The following IQSEC1 variants were observed in gnomAD, a reference collection of about 807,000 sequenced individuals.
The protein encoded by IQSEC1 is IQ motif and Sec7 domain ArfGEF 1.
Under a neutral mutation model 91.0 loss-of-function variants are expected in IQSEC1, and 31 were observed. The observed-to-expected ratio is 0.34, with a 90% CI of 0.26 to 0.46. The LOEUF is 0.46. Among genes scored for constraint, IQSEC1 ranks in the 20% least tolerant of loss-of-function variants. The pLI is 1.00. For missense variants in IQSEC1, 1,388 were observed against 1,575.6 expected, an observed-to-expected ratio of 0.88 and a Z score of 2.02; for synonymous variants, 699 against 662.6, an observed-to-expected ratio of 1.05 and a Z score of -0.84.
intron 1 of IQSEC1, among the ~76,000 whole-genome samples, chr3:12,975,381 G>C (rs1701117936): frequency 6.6e-6 from 1 of 152,178 alleles, no homozygotes; most frequent in South Asian, 2.1e-4. Context: ...CCAACTCTCT[G>C]CCTCTTCTTG....
At chr3:12,928,975 GCA>G (rs1177418932) in intron 3 of IQSEC1, among the ~76,000 whole-genome samples, 2 of 152,176 alleles carry the variant, frequency 1.3e-5, no homozygotes, top group South Asian at 2.1e-4. Context: ...TGCTATGCTA[GCA>G]CAGTTATGGT....
chr3:13,007,712 C>A (rs561621320), intron 1 of IQSEC1, among the ~76,000 whole-genome samples: 258 of 152,338 alleles, frequency 1.7e-3, no homozygotes, highest in Non-Finnish European at 2.7e-3. Flanking sequence ...TGCTTGAAAG[C>A]CTCCGCAGGC....
intron 1 of IQSEC1, among the ~76,000 whole-genome samples, chr3:13,265,160 C>T (rs1163610275): frequency 2.6e-5 from 4 of 152,198 alleles, no homozygotes; most frequent in Non-Finnish European, 4.4e-5. Flanking sequence ...CTCCTCGGCC[C>T]GTGCAGGGCA....
At chr3:13,126,688 T>C (rs1706517891) in intron 2 of IQSEC1, among the ~76,000 whole-genome samples, 1 of 152,270 alleles carries the variant, frequency 6.6e-6, no homozygotes, top group Non-Finnish European at 1.5e-5. Context: ...AAGAACTTTA[T>C]GGTCAGCCAT....
At chr3:12,923,546 G>A (rs1403614325) in intron 4 of IQSEC1, among the ~76,000 whole-genome samples, 1 of 152,224 alleles carries the variant, frequency 6.6e-6, no homozygotes, top group Admixed American at 6.5e-5. Context: ...AGCCTCCTGG[G>A]TGTGGGACGG....
rs75719563 is a variant in IQSEC1 at position 13,174,247 on chromosome 3, G to A, written c.273-10114C>T. On this transcript the variant is annotated intron_variant, in intron 1 of 15. Transcript: ENST00000648114. ...ATAATACTGGGAGCGCAGCCACTGC[G>A]GTGCAGGTGCCCATGCCTGATGACC... is the stretch of plus-strand genomic sequence containing the variant. 1.8e-3 allele frequency among the ~76,000 whole-genome samples: 273 copies of A among 152,250 alleles called. 1 individual carries two copies. Among genetic ancestry groups the A allele is most frequent in the African/African-American group, 4.8e-3 (198 of 41,542 alleles).
At position 13,195,231 on chromosome 3, in the gene IQSEC1, T is replaced by C. The variant is rs529509468; in HGVS notation, c.273-31098A>G. On this transcript the variant is annotated intron_variant, in intron 1 of 15. Coordinates refer to the IQSEC1 transcript ENST00000648114. ...GATACACAGATGGCAAATAAGCAGATGAAACGGTTCAATGATGTTAGCCTT... is the reference window on the plus strand; with the variant it reads ...GATACACAGATGGCAAATAAGCAGACGAAACGGTTCAATGATGTTAGCCTT... Among the ~76,000 whole-genome samples, 134 of 152,230 alleles carry C rather than the reference T, an allele frequency of 8.8e-4. 2 individuals are homozygous for C. Among genetic ancestry groups the C allele is most frequent in the African/African-American group, 3.0e-3 (124 of 41,518 alleles).
chr3:13,030,482 A>C (rs1703803543), intron 1 of IQSEC1, among the ~76,000 whole-genome samples: 1 of 152,182 alleles, frequency 6.6e-6, no homozygotes, highest in Non-Finnish European at 1.5e-5. Context: ...AACTGGCTTA[A>C]AAAATTGGAC....
intron 1 of IQSEC1, among the ~76,000 whole-genome samples, chr3:13,007,816 C>T (rs1035334104): frequency 1.4e-4 from 22 of 152,160 alleles, no homozygotes; most frequent in African/African-American, 4.1e-4. Context: ...TGGGGCTGAG[C>T]CCAGCCATCC....
Position 12,922,560 on chromosome 3 carries a change from C to T in IQSEC1, c.1731-318G>A, listed in dbSNP as rs569942998. Among the ~76,000 whole-genome samples the T allele has an allele frequency of 3.9e-5, 6 of 152,168 alleles. No homozygotes were observed. Among genetic ancestry groups the T allele is most frequent in the Non-Finnish European group, 5.9e-5 (4 of 68,036 alleles). On this transcript the variant is annotated intron_variant, in intron 4 of 13. Coordinates refer to ENST00000613206, the MANE Select transcript of IQSEC1 (RefSeq NM_001134382.3). The surrounding 1 kb of genome is among the most constrained non-coding windows in gnomAD (Gnocchi z 5.1). ...CCCAAGAGACAAGCATTTTTAAGCA[C>T]AGCCCTCACCAGGCACACAGTGGAC...
intron 1 of IQSEC1, among the ~76,000 whole-genome samples, chr3:13,224,467 C>T (rs1223134276): frequency 6.6e-6 from 1 of 152,070 alleles, no homozygotes; most frequent in African/African-American, 2.4e-5. Context: ...GGAGAAGGGG[C>T]GCTGGGCAGA....
chr3:13,231,196 A>C (rs191834997), intron 1 of IQSEC1, among the ~76,000 whole-genome samples: 2 of 152,340 alleles, frequency 1.3e-5, no homozygotes, highest in East Asian at 3.9e-4. Flanking sequence ...ATTTTGATGC[A>C]AAAAATTTGG....
At chr3:12,973,713 A>G (rs73813751) in intron 1 of IQSEC1, among the ~76,000 whole-genome samples, 1 of 152,328 alleles carries the variant, frequency 6.6e-6, no homozygotes, top group African/African-American at 2.4e-5. Context: ...CCACAAATAT[A>G]TACACCTACT....
chr3:12,899,577 C>T lies in IQSEC1; in HGVS notation c.*1406G>A. On this transcript the variant is annotated 3_prime_UTR_variant, in exon 14 of 14. Transcript: ENST00000613206. ...GTGATGCCCTGGCAGCTCACTGGAC[C>T]ATGGGAAGGCAGCGGGGGCTCCGCC... 3.4e-6 allele frequency: 5 copies of T among 1,472,428 alleles called. No homozygotes were observed. Among genetic ancestry groups the T allele is most frequent in the Non-Finnish European group, 4.5e-6 (5 of 1,102,896 alleles). 91.2% of individuals were successfully genotyped at this position (1,472,428 alleles called of 1,614,324 possible). A position where few individuals can be genotyped will look rare whatever the true frequency, so the allele number is the denominator to read the frequency against.
intron 1 of IQSEC1, among the ~76,000 whole-genome samples, chr3:12,978,015 ATC>A (rs1284176088): frequency 6.6e-6 from 1 of 152,244 alleles, no homozygotes; most frequent in Middle Eastern, 3.2e-3. Context: ...GGCACTAGGC[ATC>A]TCAGAGGCTG....
At chr3:13,232,970 TG>T (rs1235973842) in intron 1 of IQSEC1, among the ~76,000 whole-genome samples, 1 of 151,982 alleles carries the variant, frequency 6.6e-6, no homozygotes, top group African/African-American at 2.4e-5. Context: ...TGCCCGGGGC[TG>T]GGGGAGGGAG....
chr3:13,053,613 G>T (rs1704773716), intron 1 of IQSEC1, among the ~76,000 whole-genome samples: 1 of 152,186 alleles, frequency 6.6e-6, no homozygotes, highest in Non-Finnish European at 1.5e-5. Context: ...GCCATGACTA[G>T]GCTCACCAGC....
intron 2 of IQSEC1, among the ~76,000 whole-genome samples, chr3:13,083,345 A>C (rs1705678520): frequency 6.6e-6 from 1 of 152,192 alleles, no homozygotes; most frequent in Admixed American, 6.5e-5. Flanking sequence ...TCCTTCACCC[A>C]CTGAGAGGCA....
Position 13,008,454 on chromosome 3 carries a change from T to C in IQSEC1, c.23+64538A>G, listed in dbSNP as rs1702730454. On this transcript the variant is annotated intron_variant, in intron 1 of 13. Transcript: ENST00000613206. This position sits in a 1 kb window ranked among gnomAD's most constrained non-coding sequence, Gnocchi z 4.1. ...TGAATCCCCAGGGGGCTGTTCATAC[T>C]CCTCTTCCCTCTGCCACCTGGCTGG... 6.6e-6 allele frequency among the ~76,000 whole-genome samples: 1 copy of C among 152,176 alleles called. No homozygotes were observed. The highest frequency in any genetic ancestry group is 2.4e-5 in the African/African-American group (1 of 41,450).
Sources: allele counts gnomAD v4.1 joint callset (sites outside exome capture counted in the v4.1 genomes callset), GRCh38; gene constraint gnomAD v4.1.1; non-coding constraint Gnocchi (gnomAD v3.1); transcripts MANE v1.5; gene names NCBI Gene and HGNC (gene_info 2026-07-23, HGNC 2026-07-21).